Variants in FOXO1 observed in about 807,000 individuals in gnomAD.
FOXO1 encodes the protein forkhead box O1.
FOXO1 carries 6 observed loss-of-function variants against 44.1 expected under a neutral mutation model. The observed-to-expected ratio is 0.14, with a 90% CI of 0.07 to 0.27. The LOEUF (loss-of-function observed/expected upper bound fraction) is 0.27, where lower values mean the gene tolerates loss of function less well. Ranked by LOEUF, FOXO1 falls within the 10% of genes least tolerant of loss-of-function variation. The probability of loss-of-function intolerance (pLI) is 1.00; values close to 1 mark genes in which losing one functional copy is unlikely to be tolerated. For synonymous variants in FOXO1, 380 were observed against 362.7 expected (o/e 1.05, Z -0.54); for missense variants, 737 against 888.8 (o/e 0.83, Z 2.17).
chr13:40,560,137 T>C lies in FOXO1; in HGVS notation c.1354A>G (p.Met452Val). The change falls in exon 2 of 3, where the codon ATG (methionine) becomes GTG (valine). Residue 452 changes from methionine (M) to valine (V), a missense_variant. Met to Val is a conservative substitution (Grantham distance 21, BLOSUM62 1). Transcript: ENST00000379561. The surrounding 1 kb of genome is among the most constrained non-coding windows in gnomAD (Gnocchi z 5.1). ...CCAGGCGCACAGTTATACTGACTCA[T>C]ACCTCCATAACTCGACTTATTGTCC... ...LQDNKSSYGG[M>V]SQYNCAPGLL... 2 of 1,614,206 alleles carry C rather than the reference T, an allele frequency of 1.2e-6. No individual in the cohort carries two copies. The highest frequency in any genetic ancestry group is 8.5e-7 in the Non-Finnish European group (1 of 1,180,034).
intron 1 of FOXO1, among the ~76,000 whole-genome samples, chr13:40,584,469 CAAAAAAAAAAAAAA>C (rs55733141): frequency 3.0e-4 from 19 of 63,114 alleles, no homozygotes; most frequent in Admixed American, 6.8e-4. Context: ...ACAAAAAATG[CAAAAAAAAAAAAAA>C]AAAAAAAAAA....
intron 1 of FOXO1, among the ~76,000 whole-genome samples, chr13:40,592,962 C>A (rs975003315): frequency 1.1e-4 from 17 of 152,144 alleles, no homozygotes; most frequent in Non-Finnish European, 2.4e-4. Context: ...ATGTTTATAA[C>A]ACCATTAAAA....
intron 1 of FOXO1, among the ~76,000 whole-genome samples, chr13:40,654,322 TAAAAAAAAAAAAAAAAA>T (rs11344939): frequency 2.1e-5 from 1 of 48,198 alleles, no homozygotes; most frequent in Admixed American, 3.1e-4. Context: ...CTAAAAATAC[TAAAAAAAAAAAAAAAAA>T]AAAAAAAAAA....
Position 40,665,571 on chromosome 13 carries a change from G to A in FOXO1, c.630+12C>T, listed in dbSNP as rs923612435. The A allele has an allele frequency of 8.0e-6, 11 of 1,373,540 alleles. No individual in the cohort carries two copies. The highest frequency in any genetic ancestry group is 7.4e-5 in the African/African-American group (5 of 67,796). The allele number at this position is 1,373,540 out of a possible 1,614,324, so 85.1% of individuals were successfully genotyped here. A position where few individuals can be genotyped will look rare whatever the true frequency, so the allele number is the denominator to read the frequency against. On this transcript the variant is annotated intron_variant, in intron 1 of 2. Transcript: ENST00000379561. ...CGCCCCCAAGGTCCGGCCGCGCGCC[G>A]AGTCCACTCACCTTCCAGCCCGCCG...
chr13:40,621,242 C>T, intron 1 of FOXO1: 1 of 764,378 alleles, frequency 1.3e-6, no homozygotes, highest in Admixed American at 2.0e-5. Context: ...AATTACCTTG[C>T]AGGCATGAAT....
rs769354575 is a variant in FOXO1 at position 40,559,534 on chromosome 13, C to A, written c.1957G>T (p.Val653Leu). 3 of 1,595,488 alleles carry A rather than the reference C, an allele frequency of 1.9e-6. No homozygotes were observed. The highest frequency in any genetic ancestry group is 2.6e-6 in the Non-Finnish European group (3 of 1,168,796). Reference protein sequence around the residue: ...HSVKTTTHSWVSG With the variant: ...HSVKTTTHSWLSG ...CTGCTCACTAACCCTCAGCCTGACA[C>A]CCAGCTATGTGTCGTTGTCTTGACA... Residue 653 changes from valine to leucine, a missense_variant, in exon 2 of 3, where the codon GTG becomes TTG. Val to Leu is a conservative substitution (Grantham distance 32, BLOSUM62 1). This residue lies in a region of FOXO1 where 45 missense variants were observed against 78.3 expected (regional missense o/e 0.57). Transcript: ENST00000379561.
intron 1 of FOXO1, among the ~76,000 whole-genome samples, chr13:40,653,296 T>C (rs567426177): frequency 3.3e-5 from 5 of 152,240 alleles, no homozygotes; most frequent in African/African-American, 4.8e-5. Context: ...AGGTACAGAA[T>C]GCAGGGTGCC....
chr13:40,601,848 C>T (rs893929993), intron 1 of FOXO1, among the ~76,000 whole-genome samples: 1 of 152,086 alleles, frequency 6.6e-6, no homozygotes, highest in African/African-American at 2.4e-5. Context: ...CACCAAAGAT[C>T]CCAGTTCAGA....
chr13:40,627,220 C>A (rs572886190), intron 1 of FOXO1, among the ~76,000 whole-genome samples: 2 of 152,318 alleles, frequency 1.3e-5, no homozygotes, highest in South Asian at 2.1e-4. Context: ...TTCCTCCCCA[C>A]CACCTGTATC....
In FOXO1 at chr13:40,560,020, C is replaced by T. The variant is rs768903432; in HGVS notation, c.1471G>A (p.Val491Ile). The change falls in exon 2 of 3, where the codon GTT becomes ATT. Residue 491 changes from valine (V) to isoleucine (I), a missense_variant. Transcript: ENST00000379561. The surrounding 1 kb of genome is among the most constrained non-coding windows in gnomAD (Gnocchi z 5.1). ...DPGVAQPNSR[V>I]LGQNVMMGPN... ...CCCATCATGACGTTCTGGCCCAGAACCCGGCTGTTGGGCTGGGCTACCCCA... is the reference window on the plus strand; with the variant it reads ...CCCATCATGACGTTCTGGCCCAGAATCCGGCTGTTGGGCTGGGCTACCCCA... 6.2e-7 allele frequency: 1 copy of T among 1,614,128 alleles called. No homozygotes were observed. The highest frequency in any genetic ancestry group is 8.5e-7 in the Non-Finnish European group (1 of 1,180,028).
At chr13:40,596,230 TGG>T (rs1436463073) in intron 1 of FOXO1, among the ~76,000 whole-genome samples, 3 of 152,202 alleles carry the variant, frequency 2.0e-5, no homozygotes, top group Non-Finnish European at 4.4e-5. Flanking sequence ...TGCTCCCGAA[TGG>T]GATGATTTTC....
chr13:40,588,110 G>C (rs1875239935), intron 1 of FOXO1, among the ~76,000 whole-genome samples: 4 of 152,098 alleles, frequency 2.6e-5, no homozygotes, highest in South Asian at 2.1e-4. Context: ...CAGAACCTTG[G>C]GAGTTCAGGC....
intron 1 of FOXO1, among the ~76,000 whole-genome samples, chr13:40,609,116 A>G (rs906872476): frequency 3.3e-5 from 5 of 152,208 alleles, no homozygotes; most frequent in African/African-American, 1.2e-4. Flanking sequence ...CACACAGCTC[A>G]ATGTCATTAA....
chr13:40,584,922 T>C (rs1450372721), intron 1 of FOXO1, among the ~76,000 whole-genome samples: 2 of 152,196 alleles, frequency 1.3e-5, no homozygotes, highest in African/African-American at 2.4e-5. Context: ...CCTGAACTAC[T>C]TTCATGTGTA....
intron 2 of FOXO1, 144 bp from the exon 3 acceptor site, chr13:40,559,178 ATCAT>A (rs1384092813): frequency 7.4e-6 from 3 of 407,578 alleles, no homozygotes; most frequent in Non-Finnish European, 1.3e-5. Context: ...CAGCTCTAAA[ATCAT>A]TCAATGGGGA....
At chr13:40,647,878 G>A (rs561270691) in intron 1 of FOXO1, among the ~76,000 whole-genome samples, 10 of 152,226 alleles carry the variant, frequency 6.6e-5, no homozygotes, top group South Asian at 2.1e-4. Flanking sequence ...CTGACAAAAC[G>A]CCAGCTGTAG....
At chr13:40,636,845 G>A (rs920901109) in intron 1 of FOXO1, among the ~76,000 whole-genome samples, 6 of 152,152 alleles carry the variant, frequency 3.9e-5, no homozygotes, top group Admixed American at 1.3e-4. Context: ...AAGAAGCCTA[G>A]CACAATACCT....
At chr13:40,605,564 C>G (rs1875964248) in intron 1 of FOXO1, among the ~76,000 whole-genome samples, 2 of 152,190 alleles carry the variant, frequency 1.3e-5, no homozygotes, top group African/African-American at 4.8e-5. Flanking sequence ...TTTGTCCAGG[C>G]TGCTCCTCCC....
At chr13:40,604,318 A>T (rs1037290838) in intron 1 of FOXO1, among the ~76,000 whole-genome samples, 8 of 151,996 alleles carry the variant, frequency 5.3e-5, no homozygotes. Context: ...ATGTACCTAC[A>T]TGTTATTTAA....
Sources: allele counts gnomAD v4.1 joint callset (sites outside exome capture counted in the v4.1 genomes callset), GRCh38; gene constraint gnomAD v4.1.1; regional missense constraint gnomAD v4.1.1; non-coding constraint Gnocchi (gnomAD v3.1); transcripts MANE v1.5; gene names NCBI Gene and HGNC (gene_info 2026-07-23, HGNC 2026-07-21).